ACACB: variants seen among roughly 807,000 people sequenced by gnomAD.
ACACB encodes the protein acetyl-CoA carboxylase 2.
A neutral mutation model predicts 278.8 loss-of-function variants in ACACB; 209 were observed. The ratio of observed to expected loss-of-function variants is 0.75; its 90% confidence interval spans 0.67 to 0.84. ACACB has a LOEUF of 0.84. Among genes scored for constraint, ACACB ranks in the 40% least tolerant of loss-of-function variants. The probability of loss-of-function intolerance (pLI) is 0.00; values close to 1 mark genes in which losing one functional copy is unlikely to be tolerated. For missense variants in ACACB, 2,850 were observed against 3,269.0 expected (o/e 0.87, Z 3.13); for synonymous variants, 1,174 against 1,285.6 (o/e 0.91, Z 1.86).
In ACACB at chr12:109,266,832, A is replaced by G. The variant is rs1177830199; in HGVS notation, c.*470A>G. The G allele has an allele frequency of 1.3e-5, 2 of 152,170 alleles. No homozygotes were observed. The highest frequency in any genetic ancestry group is 4.8e-5 in the African/African-American group (2 of 41,436). The allele number at this position is 152,170 out of a possible 1,614,324, so 9.4% of individuals were successfully genotyped here. ...AAAAAAATATATATATATAGACAGG[A>G]CTAGAGAAAACCTATTTTTGTAATG... On this transcript the variant is annotated 3_prime_UTR_variant, in exon 53 of 53. Coordinates refer to ENST00000338432, the MANE Select transcript of ACACB (RefSeq NM_001093.4).
chr12:109,242,813 A>G (rs1349348414), intron 37 of ACACB: 2 of 510,804 alleles, frequency 3.9e-6, no homozygotes, highest in East Asian at 3.4e-5. Context: ...AAAATATACA[A>G]AAATTAACCG....
intron 19 of ACACB, 88 bp from the exon 20 acceptor site, chr12:109,206,622 G>A: frequency 6.7e-7 from 1 of 1,488,390 alleles, no homozygotes; most frequent in Admixed American, 1.9e-5. Context: ...ACGGAAGCCG[G>A]CAGATCTGTC....
chr12:109,232,675 C>T lies in ACACB; in HGVS notation c.4008C>T (p.Thr1336=), dbSNP rs367672359. Residue 1336 remains threonine (T), a synonymous_variant, in exon 29 of 53, where the codon ACC becomes ACT. Transcript: ENST00000338432. ...ACTTGCCATCACCTTACAGGATGAC[C>T]GTGCCCATCAGCATCACCAACCCTG... ...MLPSSHPNRM[T]VPISITNPDL... is the part of the protein sequence containing the mutation. The T allele has an allele frequency of 1.9e-5, 31 of 1,613,650 alleles. No individual in the cohort carries two copies. The highest frequency in any genetic ancestry group is 4.5e-5 in the East Asian group (2 of 44,878).
chr12:109,229,554 G>A (rs2046409803), intron 28 of ACACB, among the ~76,000 whole-genome samples: 1 of 151,960 alleles, frequency 6.6e-6, no homozygotes, highest in African/African-American at 2.4e-5. Flanking sequence ...TTTTGAGATG[G>A]AGTCTCACTC....
chr12:109,265,384 C>T lies in ACACB; in HGVS notation c.7114-5C>T. 5 of 1,613,716 alleles carry T rather than the reference C, an allele frequency of 3.1e-6. No homozygotes were observed. Among genetic ancestry groups the T allele is most frequent in the Non-Finnish European group, 4.2e-6 (5 of 1,179,912 alleles). The stretch of plus-strand genomic sequence containing the variant: ...TCTCTGAGGCATCCTCTGCCCCCTC[C>T]CCAGGCCTACTTGTGGGACAACAAC... On this transcript the variant is annotated splice_region_variant and splice_polypyrimidine_tract_variant and intron_variant, in intron 51 of 52. Transcript: ENST00000338432.
At chr12:109,203,861 A>G (rs1180323458) in intron 19 of ACACB, among the ~76,000 whole-genome samples, 1 of 152,200 alleles carries the variant, frequency 6.6e-6, no homozygotes, top group African/African-American at 2.4e-5. Context: ...CTCGGAGCAT[A>G]GTGGGTGCTC....
chr12:109,133,863 A>ATTTTTTTTTTTT (rs67896522), intron 1 of ACACB, among the ~76,000 whole-genome samples: 1 of 70,656 alleles, frequency 1.4e-5, no homozygotes, highest in Non-Finnish European at 2.5e-5. Flanking sequence ...ATATATATAT[A>ATTTTTTTTTTTT]TTTTTTTTTT....
Position 109,223,829 on chromosome 12 carries a change from G to C in ACACB, c.3807G>C (p.Ser1269=). ...ATTTCCCTTAGAAATTAATACTTTC[G>C]GAAACAACCATCTTCGACGTCCTGC... ...CPENLKKLIL[S]ETTIFDVLPT... The change falls in exon 27 of 53, where the codon TCG becomes TCC. Residue 1269 remains serine (S), a synonymous_variant. Coordinates refer to ENST00000338432, the MANE Select transcript of ACACB (RefSeq NM_001093.4). 6.2e-7 allele frequency: 1 copy of C among 1,613,740 alleles called. No individual in the cohort carries two copies. Among genetic ancestry groups the C allele is most frequent in the Admixed American group, 1.7e-5 (1 of 60,004 alleles).
intron 27 of ACACB, among the ~76,000 whole-genome samples, chr12:109,226,109 A>T (rs987771803): frequency 6.6e-6 from 1 of 151,780 alleles, no homozygotes; most frequent in African/African-American, 2.4e-5. Context: ...TTTACTAAAT[A>T]TAAAAAACAA....
At chr12:109,160,541 G>A (rs1482452739) in intron 2 of ACACB, among the ~76,000 whole-genome samples, 1 of 152,166 alleles carries the variant, frequency 6.6e-6, no homozygotes, top group Non-Finnish European at 1.5e-5. Context: ...CTCTGCTGTT[G>A]ATTGTACCTG....
chr12:109,214,986 C>T (rs1054028445), intron 22 of ACACB, among the ~76,000 whole-genome samples: 1 of 151,928 alleles, frequency 6.6e-6, no homozygotes, highest in African/African-American at 2.4e-5. Context: ...GTCCCAGCTA[C>T]TCCAGAGGCT....
rs754638380 is a variant in ACACB, at chr12:109,232,840, G to A, written c.4139+34G>A. The A allele has an allele frequency of 7.4e-6, 12 of 1,612,422 alleles. No individual in the cohort carries two copies. The African/African-American group carries it at 1.6e-4, about 22-fold the overall frequency. On this transcript the variant is annotated intron_variant, in intron 29 of 52. Coordinates refer to ENST00000338432, the MANE Select transcript of ACACB (RefSeq NM_001093.4). ...CATGGCCCGGTCTCCAACACCCTGAGCATGGGGGCTGGGCAGACTTCCCTT... is the reference window on the plus strand; with the variant it reads ...CATGGCCCGGTCTCCAACACCCTGAACATGGGGGCTGGGCAGACTTCCCTT...
intron 24 of ACACB, among the ~76,000 whole-genome samples, chr12:109,220,944 G>A (rs927843924): frequency 6.6e-6 from 1 of 152,058 alleles, no homozygotes; most frequent in Non-Finnish European, 1.5e-5. Flanking sequence ...AGATGTGTGG[G>A]GGGAAATTTA....
At chr12:109,144,935 A>G (rs980801975) in intron 2 of ACACB, among the ~76,000 whole-genome samples, 2 of 150,786 alleles carry the variant, frequency 1.3e-5, no homozygotes, top group Admixed American at 1.3e-4. Context: ...CTAATTTTTT[A>G]TATTTTTAGT....
In ACACB at chr12:109,245,818, G is replaced by C. The variant is rs552666393; in HGVS notation, c.5301+70G>C. 3.1e-5 allele frequency: 49 copies of C among 1,572,740 alleles called. No homozygotes were observed. In the African/African-American group the frequency reaches 5.9e-4, roughly 19 times the overall value. On this transcript the variant is annotated intron_variant, in intron 38 of 52. Transcript: ENST00000338432. The stretch of plus-strand genomic sequence containing the variant: ...TAAAAATATTTTTGGGCCAGGTGCA[G>C]TAGCTCACACCTGTAATCCCAGTGC...
At chr12:109,173,591 C>T (rs1461890831) in intron 6 of ACACB, among the ~76,000 whole-genome samples, 1 of 152,234 alleles carries the variant, frequency 6.6e-6, no homozygotes, top group Non-Finnish European at 1.5e-5. Context: ...ACTGGACAAA[C>T]TACAGCTCAT....
chr12:109,193,046 G>A (rs759058841), intron 15 of ACACB, among the ~76,000 whole-genome samples: 5 of 152,164 alleles, frequency 3.3e-5, no homozygotes, highest in Non-Finnish European at 5.9e-5. Context: ...ATAAGCCGAA[G>A]GCAGGATCCC....
In ACACB at chr12:109,194,512, ATG is replaced by A. The variant is rs370227666; in HGVS notation, c.2481+819_2481+820del. Among the ~76,000 whole-genome samples the A allele has an allele frequency of 6.9e-3, 612 of 88,752 alleles. 8 individuals carry two copies. The highest frequency in any genetic ancestry group is 0.016 in the African/African-American group (376 of 23,346). The allele number at this position is 88,752 out of a possible 152,430, so 58.2% of individuals were successfully genotyped here. A position where few individuals can be genotyped will look rare whatever the true frequency, so the allele number is the denominator to read the frequency against. On this transcript the variant is annotated intron_variant, in intron 16 of 52. Coordinates refer to ENST00000338432, the MANE Select transcript of ACACB (RefSeq NM_001093.4). The stretch of plus-strand genomic sequence containing the variant: ...CCCCAACCTCTGCCTCTGTGTGTGC[ATG>A]TGTGTGTGTGTGTGTGTGTGTGTGT...
At chr12:109,166,375 G>A (rs1180129282) in intron 2 of ACACB, among the ~76,000 whole-genome samples, 1 of 152,002 alleles carries the variant, frequency 6.6e-6, no homozygotes, top group African/African-American at 2.4e-5. Context: ...TTCATGTGCT[G>A]GTACCTTAGC....
Sources: gnomAD v4.1 joint callset for allele counts (sites outside exome capture counted in the v4.1 genomes callset) on GRCh38, gnomAD v4.1.1 for gene constraint, MANE v1.5 for transcripts, NCBI Gene and HGNC (gene_info 2026-07-23, HGNC 2026-07-21) for gene names.